Variants in RAVER1 observed in about 807,000 individuals in gnomAD.
RAVER1 encodes ribonucleoprotein PTB-binding 1.
In RAVER1, 36 loss-of-function variants were observed where a neutral mutation model predicts 68.4. The observed-to-expected ratio is 0.53, with a 90% confidence interval of 0.40 to 0.70. The LOEUF is 0.70. Among genes scored for constraint, RAVER1 ranks in the 30% least tolerant of loss-of-function variants. The pLI, the probability that RAVER1 is intolerant of heterozygous loss-of-function variation, is 0.00. For missense variants in RAVER1, 933 were observed against 1,019.8 expected (o/e 0.91, Z 1.16); for synonymous variants, 469 against 472.7 (o/e 0.99, Z 0.10).
intron 9 of RAVER1, 149 bp downstream of exon 9, chr19:10,320,504 TAA>T (rs773652670): frequency 0.088 from 39,259 of 443,986 alleles, no homozygotes; most frequent in East Asian, 0.1. Flanking sequence ...ACCCTGTCTC[TAA>T]AAAAAAAAAA....
Position 10,333,084 on chromosome 19 carries a change from C to T in RAVER1, c.219+205G>A, listed in dbSNP as rs1027482485. Among the ~76,000 whole-genome samples, 2 of 152,050 alleles carry T rather than the reference C, an allele frequency of 1.3e-5. No individual in the cohort carries two copies. The highest frequency in any genetic ancestry group is 2.9e-5 in the Non-Finnish European group (2 of 68,020). ...AGCCTGTGGTCGCCCCTAGCAACGC[C>T]CTCCCTCACTTCGCAGTCGGTTTCC... On this transcript the variant is annotated intron_variant, in intron 1 of 12. Transcript: ENST00000617231. The surrounding 1 kb of genome is among the most constrained non-coding windows in gnomAD (Gnocchi z 4.2).
At chr19:10,326,034 T>C (rs907598672) in intron 3 of RAVER1, among the ~76,000 whole-genome samples, 2 of 152,006 alleles carry the variant, frequency 1.3e-5, no homozygotes, top group African/African-American at 4.8e-5. Context: ...GGCAGGTGTA[T>C]CACCTGAAGT....
In RAVER1 at chr19:10,320,667, GA is replaced by G; in HGVS notation, c.1757del (p.Phe586SerfsTer105). 1 of 1,553,892 alleles carries G rather than the reference GA, an allele frequency of 6.4e-7. No individual in the cohort carries two copies. Among genetic ancestry groups the G allele is most frequent in the Non-Finnish European group, 8.7e-7 (1 of 1,153,664 alleles). On this transcript the variant is annotated frameshift_variant, in exon 9 of 13. Coordinates refer to ENST00000617231, the MANE Select transcript of RAVER1 (RefSeq NM_133452.3). LOFTEE classifies it high-confidence loss of function. ...PEPGLSDSYS[F>X]DYPSDMGPRR... is the part of the protein sequence containing the mutation. ...GCCAGGCACTCACCGAGGGGTAGTC[GA>G]AGCTGTAGCTGTCAGACAGTCCTGG...
rs1443731918 is a variant in RAVER1 at position 10,323,333 on chromosome 19, G to A, written c.948+42C>T. ...GCTGGGGCCCTGACATCCCCATGGG[G>A]CTCCCATCCCCACCCCGCCACCTCT... On this transcript the variant is annotated intron_variant, in intron 4 of 12. Transcript: ENST00000617231. The surrounding 1 kb of genome is among the most constrained non-coding windows in gnomAD (Gnocchi z 6.2). 6.2e-7 allele frequency: 1 copy of A among 1,609,384 alleles called. No homozygotes were observed.
At chr19:10,331,387 C>CAAA (rs1568314181) in intron 1 of RAVER1, among the ~76,000 whole-genome samples, 2 of 44,556 alleles carry the variant, frequency 4.5e-5, no homozygotes, top group Non-Finnish European at 8.5e-5. Flanking sequence ...AAAAAAATAA[C>CAAA]AACAACAAAA....
At chr19:10,318,008 G>A (rs1442500875) in intron 11 of RAVER1, among the ~76,000 whole-genome samples, 2 of 152,356 alleles carry the variant, frequency 1.3e-5, no homozygotes, top group African/African-American at 4.8e-5. Flanking sequence ...GGGCTGTAGA[G>A]AGAGGAAGTG....
rs1400298737 is a variant in RAVER1, at chr19:10,328,906, G to T, written c.492C>A (p.Val164=). The stretch of plus-strand genomic sequence containing the variant: ...TGGATTGGCCAGTGCGCTCACTGTA[G>T]ACCAGGAAGCAGCGCTCCAGGCTGC... ...PFGSLERCFL[V]YSERTGQSKG... Residue 164 remains valine (V), a synonymous_variant, in exon 3 of 13, where the codon GTC becomes GTA. Coordinates refer to ENST00000617231, the MANE Select transcript of RAVER1 (RefSeq NM_133452.3). This position sits in a 1 kb window ranked among gnomAD's most constrained non-coding sequence, Gnocchi z 4.4. 6.2e-7 allele frequency: 1 copy of T among 1,613,038 alleles called. No individual in the cohort carries two copies. The highest frequency in any genetic ancestry group is 2.2e-5 in the East Asian group (1 of 44,874).
rs1275219745 is a variant in RAVER1 at position 10,323,620 on chromosome 19, C to A, written c.757-54G>T. On this transcript the variant is annotated intron_variant, in intron 3 of 12. Coordinates refer to ENST00000617231, the MANE Select transcript of RAVER1 (RefSeq NM_133452.3). The surrounding 1 kb of genome is among the most constrained non-coding windows in gnomAD (Gnocchi z 6.2). ...CATCTGGGCAGCAGTGACTGCACCA[C>A]CCCGGGAAGTGACAACCGTAACCAG... 1.3e-6 allele frequency: 2 copies of A among 1,521,462 alleles called. No individual in the cohort carries two copies. Among genetic ancestry groups the A allele is most frequent in the Non-Finnish European group, 1.8e-6 (2 of 1,136,320 alleles). 94.2% of individuals were successfully genotyped at this position (1,521,462 alleles called of 1,614,324 possible). A position where few individuals can be genotyped will look rare whatever the true frequency, so the allele number is the denominator to read the frequency against.
In RAVER1 at chr19:10,319,147, C is replaced by T. The variant is rs1241372383; in HGVS notation, c.1845+19G>A. On this transcript the variant is annotated intron_variant, in intron 10 of 12. Coordinates refer to ENST00000617231, the MANE Select transcript of RAVER1 (RefSeq NM_133452.3). ...AGTAAAAGCTGATTGCTACACATGC[C>T]ATACCAGGTGGCTCTTACCTTGTGT... 6.2e-7 allele frequency: 1 copy of T among 1,612,406 alleles called. No individual in the cohort carries two copies. The highest frequency in any genetic ancestry group is 1.7e-5 in the Admixed American group (1 of 59,980).
intron 3 of RAVER1, among the ~76,000 whole-genome samples, chr19:10,325,778 T>G (rs193283239): frequency 1.3e-5 from 2 of 151,490 alleles, no homozygotes; most frequent in African/African-American, 4.9e-5. Context: ...GCCTGGGTGA[T>G]TGAGAACCTG....
chr19:10,323,846 C>T lies in RAVER1; in HGVS notation c.757-280G>A, dbSNP rs1394688562. Among the ~76,000 whole-genome samples, 2 of 152,200 alleles carry T rather than the reference C, an allele frequency of 1.3e-5. No homozygotes were observed. Among genetic ancestry groups the T allele is most frequent in the Non-Finnish European group, 2.9e-5 (2 of 68,038 alleles). Reference sequence around the variant, plus strand: ...GGGAGGGCGGAGCTGGGAGCCACCTCACCAACAAAGCCAAGGCCACGGGCG... The same window carrying T: ...GGGAGGGCGGAGCTGGGAGCCACCTTACCAACAAAGCCAAGGCCACGGGCG... On this transcript the variant is annotated intron_variant, in intron 3 of 12. Coordinates refer to ENST00000617231, the MANE Select transcript of RAVER1 (RefSeq NM_133452.3). This position sits in a 1 kb window ranked among gnomAD's most constrained non-coding sequence, Gnocchi z 6.2.
In RAVER1 at chr19:10,317,625, C is replaced by T. The variant is rs372129386; in HGVS notation, c.2074-25G>A. The T allele has an allele frequency of 7.3e-5, 68 of 934,492 alleles. No homozygotes were observed. In the Middle Eastern group the frequency reaches 1.1e-3, roughly 15 times the overall value. The allele number at this position is 934,492 out of a possible 1,614,324, so 57.9% of individuals were successfully genotyped here. A position where few individuals can be genotyped will look rare whatever the true frequency, so the allele number is the denominator to read the frequency against. ...TCTGGAGACAGAGGGCAGGGCGGGG[C>T]GGGTCAGGGGCCGCTGGGGGGCCGG... On this transcript the variant is annotated intron_variant, in intron 12 of 12. Transcript: ENST00000617231. This position sits in a 1 kb window ranked among gnomAD's most constrained non-coding sequence, Gnocchi z 4.3.
intron 3 of RAVER1, among the ~76,000 whole-genome samples, chr19:10,327,801 C>T (rs1225667877): frequency 2.6e-5 from 4 of 152,172 alleles, no homozygotes; most frequent in Admixed American, 6.5e-5. Context: ...GGGGGAATGT[C>T]CCCTTTGGGA....
intron 7 of RAVER1, 27 bp downstream of exon 7, chr19:10,321,504 A>T: frequency 2.2e-6 from 3 of 1,339,180 alleles, no homozygotes; most frequent in Non-Finnish European, 2.9e-6. Context: ...TGGCTGGGGG[A>T]CACCGTGTGG....
chr19:10,320,768 T>TGCC lies in RAVER1; in HGVS notation c.1654_1656dup (p.Gly552dup). 1 of 1,386,818 alleles carries TGCC rather than the reference T, an allele frequency of 7.2e-7. No individual in the cohort carries two copies. Among genetic ancestry groups the TGCC allele is most frequent in the South Asian group, 1.4e-5 (1 of 72,540 alleles). 85.9% of individuals were successfully genotyped at this position (1,386,818 alleles called of 1,614,324 possible). On this transcript the variant is annotated inframe_insertion, in exon 9 of 13. Coordinates refer to ENST00000617231, the MANE Select transcript of RAVER1 (RefSeq NM_133452.3). ...AGCTGGAAGGCTTTGCTGCTGCTGC[T>TGCC]GCCACCTCCAGGGGCTGGGGGGTTA...
chr19:10,322,624 T>C lies in RAVER1; in HGVS notation c.1173+21A>G, dbSNP rs2040446089. 2 of 1,484,408 alleles carry C rather than the reference T, an allele frequency of 1.3e-6. No individual in the cohort carries two copies. The highest frequency in any genetic ancestry group is 1.8e-6 in the Non-Finnish European group (2 of 1,107,908). The allele number at this position is 1,484,408 out of a possible 1,614,324, so 92.0% of individuals were successfully genotyped here. A position where few individuals can be genotyped will look rare whatever the true frequency, so the allele number is the denominator to read the frequency against. On this transcript the variant is annotated intron_variant, in intron 6 of 12. Coordinates refer to ENST00000617231, the MANE Select transcript of RAVER1 (RefSeq NM_133452.3). The surrounding 1 kb of genome is among the most constrained non-coding windows in gnomAD (Gnocchi z 4.3). ...CCTGTAGGGGCTGTAGAGCAGTGGG[T>C]GAGGGGGATGCGTGTGTTACCTTCT...
Position 10,328,885 on chromosome 19 carries a change from T to C in RAVER1, c.513A>G (p.Gln171=). ...ACTCAGCAAAGCCATAGCCCTTGGATTGGCCAGTGCGCTCACTGTAGACCA... is the reference window on the plus strand; with the variant it reads ...ACTCAGCAAAGCCATAGCCCTTGGACTGGCCAGTGCGCTCACTGTAGACCA... The part of the protein sequence containing the change: ...CFLVYSERTG[Q]SKGYGFAEYM... The change falls in exon 3 of 13, where the codon CAA becomes CAG. Residue 171 remains glutamine (Q), a synonymous_variant. Coordinates refer to ENST00000617231, the MANE Select transcript of RAVER1 (RefSeq NM_133452.3). The surrounding 1 kb of genome is among the most constrained non-coding windows in gnomAD (Gnocchi z 4.4). The C allele has an allele frequency of 6.2e-7, 1 of 1,613,372 alleles. No homozygotes were observed. The highest frequency in any genetic ancestry group is 8.5e-7 in the Non-Finnish European group (1 of 1,179,830).
chr19:10,317,523 C>G lies in RAVER1; in HGVS notation c.2151G>C (p.Val717=). ...SPEPSPEGSY[V]GQHSQGLGGH... ...CGCCGAGGCCCTGGGAGTGCTGGCC[C>G]ACATAGCTGCCTTCTGGGCTGGGCT... The change falls in exon 13 of 13, where the codon GTG becomes GTC. Residue 717 remains valine, a synonymous_variant. Transcript: ENST00000617231. The surrounding 1 kb of genome is among the most constrained non-coding windows in gnomAD (Gnocchi z 4.3). 4 of 1,613,652 alleles carry G rather than the reference C, an allele frequency of 2.5e-6. No individual in the cohort carries two copies. In the Admixed American group the frequency reaches 5.0e-5, roughly 20 times the overall value.
chr19:10,331,892 C>G (rs1227968060), intron 1 of RAVER1, among the ~76,000 whole-genome samples: 1 of 152,156 alleles, frequency 6.6e-6, no homozygotes, highest in African/African-American at 2.4e-5. Flanking sequence ...CCATGGGTAC[C>G]TGACTGGGGA....
Sources: allele counts gnomAD v4.1 joint callset (sites outside exome capture counted in the v4.1 genomes callset), GRCh38; gene constraint gnomAD v4.1.1; non-coding constraint Gnocchi (gnomAD v3.1); transcripts MANE v1.5; gene names NCBI Gene and HGNC (gene_info 2026-07-23, HGNC 2026-07-21).